Variants in NCKAP1L observed in about 807,000 individuals in gnomAD.
The protein encoded by NCKAP1L is nck-associated protein 1-like.
In NCKAP1L, 53 loss-of-function variants were observed where a neutral mutation model predicts 139.2. That is an observed-to-expected ratio of 0.38 (90% CI 0.31 to 0.48). NCKAP1L has a LOEUF of 0.48. NCKAP1L is among the 20% of genes least tolerant of loss of function. The pLI, the probability that NCKAP1L is intolerant of heterozygous loss-of-function variation, is 0.98. For synonymous variants in NCKAP1L, 468 were observed against 499.7 expected (o/e 0.94, Z 0.85); for missense variants, 1,151 against 1,381.9 (o/e 0.83, Z 2.65).
At chr12:54,507,934 T>C in intron 4 of NCKAP1L, 25 bp downstream of exon 4, 2 of 1,608,996 alleles carry the variant, frequency 1.2e-6, no homozygotes, top group Non-Finnish European at 8.5e-7. Flanking sequence ...AATTCTCTTC[T>C]ATCGTAGAGT....
intron 30 of NCKAP1L, among the ~76,000 whole-genome samples, chr12:54,541,650 T>C (rs1242988396): frequency 6.6e-6 from 1 of 152,216 alleles, no homozygotes; most frequent in Non-Finnish European, 1.5e-5. Flanking sequence ...ATTTTAAAAC[T>C]TGAAAGGACT....
In NCKAP1L at chr12:54,511,938, C is replaced by G. The variant is rs1283052905; in HGVS notation, c.785-11C>G. On this transcript the variant is annotated splice_polypyrimidine_tract_variant and intron_variant, in intron 8 of 30. Transcript: ENST00000293373. ...TAAAAGTCTTCCTCTGCACTGTTTT[C>G]CCACCTACAGTTGGGTTTCTTCTTT... 4 of 1,614,024 alleles carry G rather than the reference C, an allele frequency of 2.5e-6. No homozygotes were observed. The highest frequency in any genetic ancestry group is 3.4e-6 in the Non-Finnish European group (4 of 1,180,018).
intron 3 of NCKAP1L, among the ~76,000 whole-genome samples, chr12:54,502,082 T>G (rs1452497502): frequency 7.2e-6 from 1 of 138,840 alleles, no homozygotes; most frequent in Non-Finnish European, 1.5e-5. Flanking sequence ...TTGAATTGGA[T>G]TTTTTGTGTG....
At chr12:54,533,464 G>A (rs10506332) in intron 26 of NCKAP1L, among the ~76,000 whole-genome samples, 5 of 152,124 alleles carry the variant, frequency 3.3e-5, no homozygotes, top group African/African-American at 1.2e-4. Flanking sequence ...TTCCACAAAC[G>A]GTCATTTAGG....
At chr12:54,500,834 T>A in intron 3 of NCKAP1L, 2 of 428,676 alleles carry the variant, frequency 4.7e-6, no homozygotes, top group South Asian at 6.4e-5. Flanking sequence ...AGAGTATGTA[T>A]GTATATGTAT....
At chr12:54,514,357 T>C (rs905177354) in intron 9 of NCKAP1L, among the ~76,000 whole-genome samples, 1 of 152,092 alleles carries the variant, frequency 6.6e-6, no homozygotes, top group Non-Finnish European at 1.5e-5. Flanking sequence ...GTTTTGCCCT[T>C]GTTGCCCAGG....
intron 26 of NCKAP1L, 93 bp from the exon 27 acceptor site, chr12:54,535,011 A>C: frequency 1.1e-6 from 1 of 919,346 alleles, no homozygotes; most frequent in Non-Finnish European, 1.6e-6. Flanking sequence ...AAAAAAATTA[A>C]ACCTGTGATC....
At chr12:54,512,716 C>A (rs1956897954) in intron 9 of NCKAP1L, among the ~76,000 whole-genome samples, 1 of 151,860 alleles carries the variant, frequency 6.6e-6, no homozygotes, top group Non-Finnish European at 1.5e-5. Context: ...TCTAGAAAAA[C>A]CTGGAGACAG....
At position 54,537,051 on chromosome 12, in the gene NCKAP1L, G is replaced by C; in HGVS notation, c.3181G>C (p.Val1061Leu). The C allele has an allele frequency of 6.3e-7, 1 of 1,597,846 alleles. No homozygotes were observed. Among genetic ancestry groups the C allele is most frequent in the Non-Finnish European group, 8.6e-7 (1 of 1,165,574 alleles). Residue 1061 changes from valine to leucine, a missense_variant and splice_region_variant, in exon 29 of 31, where the codon GTG (valine) becomes CTG (leucine). Coordinates refer to ENST00000293373, the MANE Select transcript of NCKAP1L (RefSeq NM_005337.5). Reference sequence around the variant, plus strand: ...TGAAACTCACCTCAAGGAATTTCTGGTGGTGAGTGGGTCTAGGTTATAAAG... The same window carrying C: ...TGAAACTCACCTCAAGGAATTTCTGCTGGTGAGTGGGTCTAGGTTATAAAG... ...NIETHLKEFL[V>L]VASVSLLQLG...
In NCKAP1L at chr12:54,544,445, A is replaced by C. The variant is rs1470595025; in HGVS notation, c.*1760A>C. ...AACTGAAAATTTTATTGAGATACTT[A>C]ATCCACCTGCACTTGTAAGAAATCA... On this transcript the variant is annotated 3_prime_UTR_variant, in exon 31 of 31. Transcript: ENST00000293373. 6.6e-6 allele frequency: 1 copy of C among 152,190 alleles called. No homozygotes were observed. Among genetic ancestry groups the C allele is most frequent in the Non-Finnish European group, 1.5e-5 (1 of 68,038 alleles). The allele number at this position is 152,190 out of a possible 1,614,324, so 9.4% of individuals were successfully genotyped here.
At chr12:54,521,877 AGTGTGTGTAT>A (rs1349398918) in intron 18 of NCKAP1L, among the ~76,000 whole-genome samples, 1 of 138,370 alleles carries the variant, frequency 7.2e-6, no homozygotes, top group African/African-American at 2.6e-5. Flanking sequence ...GGTAAAGGGG[AGTGTGTGTAT>A]GTGTGTGTGT....
At position 54,547,237 on chromosome 12, in the gene NCKAP1L, G is replaced by A. The variant is rs936840151; in HGVS notation, c.*4552G>A. The A allele has an allele frequency of 1.3e-5, 2 of 152,112 alleles. No homozygotes were observed. The highest frequency in any genetic ancestry group is 2.9e-5 in the Non-Finnish European group (2 of 68,040). 9.4% of individuals were successfully genotyped at this position (152,112 alleles called of 1,614,324 possible). A position where few individuals can be genotyped will look rare whatever the true frequency, so the allele number is the denominator to read the frequency against. ...GATTGTATTGCAACAAGAGGAATGA[G>A]GTTGAGACTAAACACCAGGACTGGT... On this transcript the variant is annotated 3_prime_UTR_variant, in exon 31 of 31. Transcript: ENST00000293373.
intron 21 of NCKAP1L, among the ~76,000 whole-genome samples, chr12:54,527,562 C>G (rs941880537): frequency 2.0e-5 from 3 of 152,110 alleles, no homozygotes; most frequent in African/African-American, 7.2e-5. Flanking sequence ...AAAATTTTGA[C>G]AAAGAATTTT....
intron 28 of NCKAP1L, chr12:54,536,665 G>GAAA: frequency 4.2e-6 from 1 of 237,196 alleles, no homozygotes; most frequent in South Asian, 4.3e-5. Context: ...TTTAAAAAAA[G>GAAA]AAAAAAAAAA....
chr12:54,529,404 A>G (rs1957050743), intron 22 of NCKAP1L, among the ~76,000 whole-genome samples: 1 of 152,224 alleles, frequency 6.6e-6, no homozygotes, highest in Non-Finnish European at 1.5e-5. Flanking sequence ...CAACTAATTC[A>G]TGAACTATCC....
intron 19 of NCKAP1L, 80 bp from the exon 20 acceptor site, chr12:54,523,745 G>A: frequency 6.5e-7 from 1 of 1,533,944 alleles, no homozygotes; most frequent in Non-Finnish European, 8.8e-7. Flanking sequence ...CCTAGAAACT[G>A]GGTCATGGGC....
Position 54,532,257 on chromosome 12 carries a change from A to C in NCKAP1L, c.2862+7A>C. ...TCCAGACACAGACATCAAGGTATGG[A>C]GGAGTGCAAAGTAGAATCTAATTAG... On this transcript the variant is annotated splice_region_variant and intron_variant, in intron 26 of 30. Coordinates refer to ENST00000293373, the MANE Select transcript of NCKAP1L (RefSeq NM_005337.5). The C allele has an allele frequency of 3.7e-6, 6 of 1,607,106 alleles. No homozygotes were observed. The highest frequency in any genetic ancestry group is 5.1e-6 in the Non-Finnish European group (6 of 1,175,582).
At chr12:54,540,071 A>G (rs967945266) in intron 30 of NCKAP1L, among the ~76,000 whole-genome samples, 6 of 152,340 alleles carry the variant, frequency 3.9e-5, no homozygotes, top group East Asian at 3.9e-4. Flanking sequence ...GAGGAGCCCA[A>G]AAATTCTTAA....
In NCKAP1L at chr12:54,537,031, C is replaced by A. The variant is rs759535534; in HGVS notation, c.3161C>A (p.Thr1054Asn). ...ACGCTCTACAACAAGAACATTGAAA[C>A]TCACCTCAAGGAATTTCTGGTGGTG... ...LFTLYNKNIE[T>N]HLKEFLVVAS... Residue 1054 changes from threonine (T) to asparagine (N), a missense_variant, in exon 29 of 31, where the codon ACT becomes AAT. By Grantham distance (65) the Thr-to-Asn change is moderately conservative. Coordinates refer to ENST00000293373, the MANE Select transcript of NCKAP1L (RefSeq NM_005337.5). 1.2e-6 allele frequency: 2 copies of A among 1,612,272 alleles called. No individual in the cohort carries two copies. Among genetic ancestry groups the A allele is most frequent in the Non-Finnish European group, 1.7e-6 (2 of 1,178,496 alleles).
Sources: allele counts gnomAD v4.1 joint callset (sites outside exome capture counted in the v4.1 genomes callset), GRCh38; gene constraint gnomAD v4.1.1; transcripts MANE v1.5; gene names NCBI Gene and HGNC (gene_info 2026-07-23, HGNC 2026-07-21).